The following TMEFF2 variants were observed in gnomAD, a reference collection of about 807,000 sequenced individuals.
TMEFF2 encodes tomoregulin-2.
Under a neutral mutation model 53.8 loss-of-function variants are expected in TMEFF2, and 28 were observed. The observed-to-expected ratio is 0.52, with a 90% CI of 0.39 to 0.71. The LOEUF (loss-of-function observed/expected upper bound fraction) is 0.71. Ranked by LOEUF, TMEFF2 falls within the 30% of genes least tolerant of loss-of-function variation. The pLI is 0.00. For synonymous variants in TMEFF2, 162 were observed against 166.3 expected (o/e 0.97, Z 0.20); for missense variants, 353 against 455.2 (o/e 0.78, Z 2.04).
intron 4 of TMEFF2, among the ~76,000 whole-genome samples, chr2:192,067,351 G>A (rs1002833661): frequency 1.3e-5 from 2 of 151,828 alleles, no homozygotes; most frequent in African/African-American, 4.8e-5. Flanking sequence ...GGATGGCAGA[G>A]TATGTGGGTA....
At chr2:191,952,593 G>A (rs1361961155) in intron 9 of TMEFF2, among the ~76,000 whole-genome samples, 1 of 151,758 alleles carries the variant, frequency 6.6e-6, no homozygotes, top group Non-Finnish European at 1.5e-5. Context: ...AACTCAACTC[G>A]GCTTAGAGCA....
chr2:192,134,979 C>T (rs1689962771), intron 4 of TMEFF2, among the ~76,000 whole-genome samples: 1 of 152,216 alleles, frequency 6.6e-6, no homozygotes, highest in African/African-American at 2.4e-5. Context: ...ACTTTCCCTT[C>T]TCAGAAGTCA....
In TMEFF2 at chr2:192,039,871, G is replaced by C. The variant is rs573138917; in HGVS notation, c.536+17808C>G. ...TATTGATAATTGAAAGGAGACTAAG[G>C]AATACAGTGGCCATGTATTCCTCAT... On this transcript the variant is annotated intron_variant, in intron 5 of 9. Transcript: ENST00000272771. Among the ~76,000 whole-genome samples the C allele has an allele frequency of 5.3e-5, 8 of 152,190 alleles. No individual in the cohort carries two copies. In the South Asian group the frequency reaches 1.7e-3, roughly 32 times the overall value.
intron 4 of TMEFF2, among the ~76,000 whole-genome samples, chr2:192,069,986 GTGTATATATA>G (rs1320829820): frequency 1.2e-3 from 14 of 11,668 alleles, no homozygotes; most frequent in African/African-American, 1.3e-3. Flanking sequence ...GTGTGTGTGT[GTGTATATATA>G]TATATATATA....
At chr2:191,954,791 A>T (rs1034000294) in intron 8 of TMEFF2, among the ~76,000 whole-genome samples, 14 of 152,294 alleles carry the variant, frequency 9.2e-5, no homozygotes, top group Admixed American at 3.9e-4. Context: ...GCCTCCTCTC[A>T]CTCAACCCTC....
intron 4 of TMEFF2, among the ~76,000 whole-genome samples, chr2:192,158,962 T>C (rs1690571486): frequency 6.6e-6 from 1 of 152,056 alleles, no homozygotes; most frequent in Non-Finnish European, 1.5e-5. Flanking sequence ...CGAGCGATCA[T>C]TTTTTTCTGA....
chr2:191,973,819 G>A (rs1692724018), intron 7 of TMEFF2, among the ~76,000 whole-genome samples: 3 of 152,116 alleles, frequency 2.0e-5, no homozygotes, highest in Non-Finnish European at 4.4e-5. Flanking sequence ...TAGTTAGTGA[G>A]TTTTCAAAAG....
Position 192,194,584 on chromosome 2 carries a change from G to T in TMEFF2, c.-60C>A. ...TTCCGAGGAACACAGGATCGCGGGGGCCGGGCAGCGGGCTACTGAGCATCC... is the reference window on the plus strand; with the variant it reads ...TTCCGAGGAACACAGGATCGCGGGGTCCGGGCAGCGGGCTACTGAGCATCC... On this transcript the variant is annotated 5_prime_UTR_variant, in exon 1 of 10. Transcript: ENST00000272771. The surrounding 1 kb of genome is among the most constrained non-coding windows in gnomAD (Gnocchi z 4.2). 2 of 1,571,874 alleles carry T rather than the reference G, an allele frequency of 1.3e-6. No homozygotes were observed. Among genetic ancestry groups the T allele is most frequent in the Non-Finnish European group, 8.7e-7 (1 of 1,152,876 alleles).
chr2:192,183,709 A>G (rs1691243889), intron 3 of TMEFF2, among the ~76,000 whole-genome samples: 1 of 152,084 alleles, frequency 6.6e-6, no homozygotes, highest in South Asian at 2.1e-4. Flanking sequence ...CACAAGGAAA[A>G]TTTGAAAAGC....
At chr2:192,082,325 C>G (rs376582717) in intron 4 of TMEFF2, among the ~76,000 whole-genome samples, 3 of 152,170 alleles carry the variant, frequency 2.0e-5, no homozygotes, top group African/African-American at 4.8e-5. Context: ...TAAGACCACA[C>G]GAGGCTTTAG....
intron 4 of TMEFF2, among the ~76,000 whole-genome samples, chr2:192,059,837 T>C (rs77940386): frequency 3.8e-4 from 58 of 152,246 alleles, no homozygotes; most frequent in African/African-American, 1.3e-3. Flanking sequence ...CCCCCATCAA[T>C]AAGTATTGTG....
At chr2:191,953,207 A>C (rs1280238939) in intron 9 of TMEFF2, among the ~76,000 whole-genome samples, 1 of 152,186 alleles carries the variant, frequency 6.6e-6, no homozygotes, top group Non-Finnish European at 1.5e-5. Context: ...TTACCTTTTG[A>C]TTAGGCTGGG....
chr2:192,104,341 A>G (rs1038445641), intron 4 of TMEFF2, among the ~76,000 whole-genome samples: 1 of 152,122 alleles, frequency 6.6e-6, no homozygotes, highest in East Asian at 1.9e-4. Flanking sequence ...TAGGGGGCAG[A>G]TCAGAGTAAT....
chr2:192,136,206 T>C (rs779422130), intron 4 of TMEFF2, among the ~76,000 whole-genome samples: 8 of 152,224 alleles, frequency 5.3e-5, no homozygotes, highest in Non-Finnish European at 1.2e-4. Flanking sequence ...TAATCCATCT[T>C]TAATTGGATT....
intron 5 of TMEFF2, chr2:192,037,805 A>G (rs1687368933): frequency 6.6e-6 from 1 of 152,170 alleles, no homozygotes. Context: ...ATTCTCAACC[A>G]TAAACTGTTC....
intron 4 of TMEFF2, among the ~76,000 whole-genome samples, chr2:192,070,796 A>G (rs886212146): frequency 3.3e-5 from 5 of 151,916 alleles, no homozygotes. Flanking sequence ...GAAGTTGAGG[A>G]GTCTGAGGAC....
At chr2:191,972,520 T>A (rs1692678036) in intron 7 of TMEFF2, among the ~76,000 whole-genome samples, 1 of 151,630 alleles carries the variant, frequency 6.6e-6, no homozygotes, top group Non-Finnish European at 1.5e-5. Context: ...TGTCTGTTAC[T>A]AAAAATTGAT....
chr2:191,973,090 TAAATCATGAAGTG>T (rs200911354), intron 7 of TMEFF2, among the ~76,000 whole-genome samples: 5,795 of 152,230 alleles, frequency 0.038, 156 homozygotes, highest in Admixed American at 0.065. Flanking sequence ...GCAAGATAAG[TAAATCATGAAGTG>T]AAAGGAAAAA....
At chr2:192,193,529 G>A (rs184256349) in intron 1 of TMEFF2, among the ~76,000 whole-genome samples, 253 of 152,264 alleles carry the variant, frequency 1.7e-3, no homozygotes, top group African/African-American at 5.8e-3. Context: ...AGAAATGGAG[G>A]AGTCAGCGCC....
Sources: gnomAD v4.1 joint callset for allele counts (sites outside exome capture counted in the v4.1 genomes callset) on GRCh38, gnomAD v4.1.1 for gene constraint, Gnocchi (gnomAD v3.1) non-coding constraint, MANE v1.5 for transcripts, NCBI Gene and HGNC (gene_info 2026-07-23, HGNC 2026-07-21) for gene names.